The following NELL2 variants were observed in gnomAD, a reference collection of about 807,000 sequenced individuals.
The protein encoded by NELL2 is protein kinase C-binding protein NELL2.
Under a neutral mutation model 109.6 loss-of-function variants are expected in NELL2, and 41 were observed. The ratio of observed to expected loss-of-function variants is 0.37; its 90% CI spans 0.29 to 0.49. NELL2 has a LOEUF of 0.49. Among genes scored for constraint, NELL2 ranks in the 20% least tolerant of loss-of-function variants. The pLI is 0.98. For missense variants in NELL2, 900 were observed against 1,008.3 expected (o/e 0.89, Z 1.45); for synonymous variants, 355 against 344.7 (o/e 1.03, Z -0.33).
chr12:44,793,876 A>G (rs1224765403), intron 3 of NELL2, among the ~76,000 whole-genome samples: 1 of 152,216 alleles, frequency 6.6e-6, no homozygotes, highest in African/African-American at 2.4e-5. Context: ...AAAATGCACA[A>G]AATCGTATGA....
In NELL2 at chr12:44,610,870, T is replaced by C; in HGVS notation, c.1545A>G (p.Thr515=). The change falls in exon 14 of 20, where the codon ACA becomes ACG. Residue 515 remains threonine, a synonymous_variant. Transcript: ENST00000429094. ...GHNCVCKPGY[T]GNGTTCKAFC... ...TACCTTTGCATGTCGTTCCATTCCC[T>C]GTATAGCCCGGCTTGCAAACACAGT... is the stretch of plus-strand genomic sequence containing the variant. The C allele has an allele frequency of 6.2e-7, 1 of 1,613,132 alleles. No individual in the cohort carries two copies. The highest frequency in any genetic ancestry group is 1.1e-5 in the South Asian group (1 of 91,060).
intron 13 of NELL2, among the ~76,000 whole-genome samples, chr12:44,641,853 T>C (rs7314643): frequency 0.58 from 87,934 of 151,728 alleles, 25,992 homozygotes; most frequent in East Asian, 0.73. Flanking sequence ...CATGCTGCCA[T>C]GCCCGGCTAA....
intron 2 of NELL2, among the ~76,000 whole-genome samples, chr12:44,860,421 C>A (rs1050287679): frequency 2.0e-5 from 3 of 152,242 alleles, no homozygotes; most frequent in Admixed American, 6.5e-5. Context: ...TCTTGCAGTT[C>A]TAGAGATTAG....
intron 15 of NELL2, among the ~76,000 whole-genome samples, chr12:44,591,706 G>A (rs1944757469): frequency 6.6e-6 from 1 of 152,126 alleles, no homozygotes; most frequent in African/African-American, 2.4e-5. Flanking sequence ...GCACTGTAGA[G>A]TGATTATATT....
chr12:44,658,838 C>T (rs1401065550), intron 13 of NELL2, among the ~76,000 whole-genome samples: 5 of 137,532 alleles, frequency 3.6e-5, no homozygotes, highest in African/African-American at 1.1e-4. Flanking sequence ...GATCGCACCA[C>T]TGCACTCCAG....
At chr12:44,593,515 T>A (rs1442181048) in intron 15 of NELL2, among the ~76,000 whole-genome samples, 1 of 152,228 alleles carries the variant, frequency 6.6e-6, no homozygotes, top group African/African-American at 2.4e-5. Context: ...TTTGGCAATT[T>A]ACTTACTCTA....
intron 15 of NELL2, among the ~76,000 whole-genome samples, chr12:44,538,351 C>T (rs564192865): frequency 3.3e-5 from 5 of 152,204 alleles, no homozygotes; most frequent in African/African-American, 9.6e-5. Context: ...CGAGGCCTCA[C>T]AGGAGAAGCA....
rs191767684 is a variant in NELL2, at chr12:44,822,458, C to T, written c.185-6322G>A. 6.6e-5 allele frequency among the ~76,000 whole-genome samples: 10 copies of T among 152,228 alleles called. No individual in the cohort carries two copies. In the East Asian group the frequency reaches 1.7e-3, roughly 26 times the overall value. ...AAATTCTTCTTAACATACAATCCTG[C>T]CTACCCTAGAAAACTACGAAAGATC... is the stretch of plus-strand genomic sequence containing the variant. On this transcript the variant is annotated intron_variant, in intron 2 of 19. Coordinates refer to ENST00000429094, the MANE Select transcript of NELL2 (RefSeq NM_001145108.2).
intron 2 of NELL2, among the ~76,000 whole-genome samples, chr12:44,828,539 C>G (rs1435911084): frequency 2.0e-5 from 3 of 152,064 alleles, no homozygotes; most frequent in Non-Finnish European, 4.4e-5. Context: ...GAATATTCAA[C>G]CACATAAAAG....
intron 9 of NELL2, among the ~76,000 whole-genome samples, chr12:44,770,810 A>G (rs1184779406): frequency 6.6e-6 from 1 of 152,236 alleles, no homozygotes; most frequent in Non-Finnish European, 1.5e-5. Context: ...GATTTGCCTC[A>G]GATTCCCTAT....
chr12:44,832,557 C>G (rs1319511189), intron 2 of NELL2, among the ~76,000 whole-genome samples: 2 of 152,214 alleles, frequency 1.3e-5, no homozygotes, highest in African/African-American at 2.4e-5. Context: ...TCATTCATGA[C>G]TTTGCCACCT....
rs562596537 is a variant in NELL2 at position 44,576,431 on chromosome 12, G to A, written c.1663+30738C>T. Among the ~76,000 whole-genome samples the A allele has an allele frequency of 1.0e-3, 159 of 152,284 alleles. 1 individual carries two copies. The highest frequency in any genetic ancestry group is 3.5e-3 in the African/African-American group (147 of 41,552). ...AGTGCCTGTCCTAATAAGCAGGCTTGTGTTGAATAATTATCATCATGATCA... is the reference window on the plus strand; with the variant it reads ...AGTGCCTGTCCTAATAAGCAGGCTTATGTTGAATAATTATCATCATGATCA... On this transcript the variant is annotated intron_variant, in intron 15 of 19. Transcript: ENST00000429094.
chr12:44,554,456 G>C (rs1943162169), intron 15 of NELL2, among the ~76,000 whole-genome samples: 1 of 152,114 alleles, frequency 6.6e-6, no homozygotes, highest in Non-Finnish European at 1.5e-5. Context: ...TTAGGGGAGA[G>C]GGAGTTGGAA....
chr12:44,731,072 A>G (rs960833857), intron 9 of NELL2, among the ~76,000 whole-genome samples: 15 of 152,152 alleles, frequency 9.9e-5, no homozygotes, highest in African/African-American at 3.6e-4. Flanking sequence ...CAGCAGAATC[A>G]TTAGATAACT....
At chr12:44,651,799 G>C (rs138796787) in intron 13 of NELL2, among the ~76,000 whole-genome samples, 7 of 152,076 alleles carry the variant, frequency 4.6e-5, no homozygotes, top group African/African-American at 1.4e-4. Context: ...GGTGAAACAG[G>C]CTGGCTATAA....
At chr12:44,691,372 T>A (rs568329924) in intron 12 of NELL2, among the ~76,000 whole-genome samples, 39 of 152,310 alleles carry the variant, frequency 2.6e-4, no homozygotes, top group Admixed American at 4.6e-4. Context: ...CTAAGAACAC[T>A]GCCCATACAA....
chr12:44,767,831 G>T (rs1023250051), intron 9 of NELL2, among the ~76,000 whole-genome samples: 7 of 152,086 alleles, frequency 4.6e-5, no homozygotes, highest in Non-Finnish European at 8.8e-5. Context: ...TCATCTGGAG[G>T]GAAACACAAA....
intron 19 of NELL2, among the ~76,000 whole-genome samples, chr12:44,512,789 T>A (rs1229896349): frequency 1.3e-5 from 2 of 152,054 alleles, no homozygotes; most frequent in East Asian, 3.9e-4. Context: ...AGAAGAATTA[T>A]GGTGATCAGA....
intron 11 of NELL2, among the ~76,000 whole-genome samples, chr12:44,711,088 A>G (rs1030423560): frequency 3.3e-5 from 5 of 152,160 alleles, no homozygotes; most frequent in Admixed American, 1.3e-4. Context: ...AGAAATGCAC[A>G]GGAGCAGTTC....
Sources: allele counts gnomAD v4.1 joint callset (sites outside exome capture counted in the v4.1 genomes callset), GRCh38; gene constraint gnomAD v4.1.1; transcripts MANE v1.5; gene names NCBI Gene and HGNC (gene_info 2026-07-23, HGNC 2026-07-21).